Variants in TBXAS1 observed in about 807,000 individuals in gnomAD.
TBXAS1 encodes the protein thromboxane A synthase 1.
A neutral mutation model predicts 60.7 loss-of-function variants in TBXAS1; 48 were observed. The observed-to-expected ratio is 0.79, with a 90% CI of 0.63 to 1.01. The LOEUF (loss-of-function observed/expected upper bound fraction) is 1.01, where lower values mean the gene tolerates loss of function less well. Among genes scored for constraint, TBXAS1 ranks in the 50% least tolerant of loss-of-function variants. The pLI is 0.00. For synonymous variants in TBXAS1, 287 were observed against 269.7 expected, an observed-to-expected ratio of 1.06 and a Z score of -0.63; for missense variants, 685 against 686.3, an observed-to-expected ratio of 1.00 and a Z score of 0.02.
At chr7:139,855,436 C>T (rs1157753005) in intron 1 of TBXAS1, among the ~76,000 whole-genome samples, 1 of 151,872 alleles carries the variant, frequency 6.6e-6, no homozygotes, top group Non-Finnish European at 1.5e-5. Flanking sequence ...GTGGGCTGCC[C>T]TGGGGCTTTG....
At chr7:139,894,411 C>T (rs777531537) in intron 3 of TBXAS1, among the ~76,000 whole-genome samples, 3 of 152,208 alleles carry the variant, frequency 2.0e-5, no homozygotes, top group Non-Finnish European at 4.4e-5. Context: ...CAGGCTGGCT[C>T]GTGTGACTGG....
chr7:139,972,826 C>T (rs918429318), intron 9 of TBXAS1, among the ~76,000 whole-genome samples: 1 of 152,094 alleles, frequency 6.6e-6, no homozygotes, highest in African/African-American at 2.4e-5. Flanking sequence ...CCGCTGGGTA[C>T]CTTGGTAGGT....
At chr7:139,792,485 A>C (rs759674000) in intron 4 of TBXAS1, among the ~76,000 whole-genome samples, 25 of 152,206 alleles carry the variant, frequency 1.6e-4, no homozygotes, top group Non-Finnish European at 2.6e-4. Flanking sequence ...TTTTATGTCA[A>C]ATTTTTCTGT....
chr7:139,905,218 C>A (rs1456553231), intron 3 of TBXAS1, among the ~76,000 whole-genome samples: 1 of 151,950 alleles, frequency 6.6e-6, no homozygotes, highest in South Asian at 2.1e-4. Context: ...ATGCTTTCAG[C>A]TTTTCCCCAT....
chr7:139,934,234 G>A (rs1232993417), intron 4 of TBXAS1, among the ~76,000 whole-genome samples: 1 of 151,896 alleles, frequency 6.6e-6, no homozygotes, highest in Non-Finnish European at 1.5e-5. Flanking sequence ...TGTCCCCCAG[G>A]CTGGAGTGCA....
intron 12 of TBXAS1, among the ~76,000 whole-genome samples, chr7:140,019,589 C>T (rs1815385016): frequency 6.6e-6 from 1 of 152,190 alleles, no homozygotes. Context: ...TGACTCTTTG[C>T]TGTCACATTA....
chr7:139,964,214 T>C lies in TBXAS1; in HGVS notation c.1134+1981T>C, dbSNP rs192519560. Among the ~76,000 whole-genome samples the C allele has an allele frequency of 1.6e-3, 248 of 152,174 alleles. 1 individual carries two copies. The highest frequency in any genetic ancestry group is 5.3e-3 in the African/African-American group (218 of 41,506). On this transcript the variant is annotated intron_variant, in intron 9 of 12. Coordinates refer to ENST00000448866, the MANE Select transcript of TBXAS1 (RefSeq NM_001061.7). ...AATTCTCCTGCCTCAGCCTCCCGAG[T>C]TGCTGGCATTACAGACATTCACCAC...
At chr7:139,839,509 C>T (rs1032159200) in intron 1 of TBXAS1, among the ~76,000 whole-genome samples, 4 of 151,794 alleles carry the variant, frequency 2.6e-5, no homozygotes, top group Non-Finnish European at 5.9e-5. Flanking sequence ...GCTCAGGTAC[C>T]AAGACCCAGA....
chr7:140,018,827 GCTCA>G (rs1164488533), intron 12 of TBXAS1, among the ~76,000 whole-genome samples: 1 of 152,170 alleles, frequency 6.6e-6, no homozygotes, highest in Non-Finnish European at 1.5e-5. Flanking sequence ...CATGACAGGT[GCTCA>G]CTCATTCATT....
chr7:139,935,100 C>G (rs1425732300), intron 4 of TBXAS1, among the ~76,000 whole-genome samples: 1 of 152,236 alleles, frequency 6.6e-6, no homozygotes, highest in East Asian at 1.9e-4. Context: ...AGGCGTGAGC[C>G]ACCACTCTCA....
intron 4 of TBXAS1, among the ~76,000 whole-genome samples, chr7:139,809,817 T>C (rs1797982714): frequency 6.6e-6 from 1 of 151,996 alleles, no homozygotes; most frequent in Non-Finnish European, 1.5e-5. Context: ...GGGTGAATCT[T>C]CTCCACTCAG....
chr7:140,003,456 C>T lies in TBXAS1; in HGVS notation c.1135-3635C>T, dbSNP rs188142711. Among the ~76,000 whole-genome samples, 136 of 152,292 alleles carry T rather than the reference C, an allele frequency of 8.9e-4. 1 individual carries two copies. Among genetic ancestry groups the T allele is most frequent in the Admixed American group, 2.2e-3 (34 of 15,304 alleles). ...CTCACCTCAGGTGATCCACCCACCTCGGCCTCCCAAAGTGCTGGGATTACA... is the reference window on the plus strand; with the variant it reads ...CTCACCTCAGGTGATCCACCCACCTTGGCCTCCCAAAGTGCTGGGATTACA... On this transcript the variant is annotated intron_variant, in intron 9 of 12. Transcript: ENST00000448866.
chr7:139,829,362 G>A lies in TBXAS1; in HGVS notation c.-29G>A, dbSNP rs1320529760. The A allele has an allele frequency of 6.2e-7, 1 of 1,606,114 alleles. No homozygotes were observed. The highest frequency in any genetic ancestry group is 1.3e-5 in the African/African-American group (1 of 74,832). Reference sequence around the variant, plus strand: ...GATCAGCCTCCTGTCTCATCTGGAAGACCACCACTCTGGGGTCTCAGAGGA... The same window carrying A: ...GATCAGCCTCCTGTCTCATCTGGAAAACCACCACTCTGGGGTCTCAGAGGA... On this transcript the variant is annotated 5_prime_UTR_variant, in exon 1 of 13. Transcript: ENST00000448866.
In TBXAS1 at chr7:139,932,103, C is replaced by G. The variant is rs552697906; in HGVS notation, c.334-4088C>G. ...AATGGAGTGAACCCAGGAGGCGGAG[C>G]TTGCAGTGATCCAAGATCGCACCAT... On this transcript the variant is annotated intron_variant, in intron 4 of 12. Transcript: ENST00000448866. Among the ~76,000 whole-genome samples the G allele has an allele frequency of 6.9e-5, 10 of 145,526 alleles. No individual in the cohort carries two copies. The South Asian group carries it at 1.9e-3, about 28-fold the overall frequency.
intron 9 of TBXAS1, among the ~76,000 whole-genome samples, chr7:139,985,884 T>C (rs1471514435): frequency 1.3e-5 from 2 of 152,130 alleles, no homozygotes; most frequent in African/African-American, 4.8e-5. Flanking sequence ...TCCCCCATAG[T>C]GTGTGGACCA....
intron 9 of TBXAS1, among the ~76,000 whole-genome samples, chr7:140,002,786 G>C (rs1486636101): frequency 6.6e-6 from 1 of 152,092 alleles, no homozygotes; most frequent in Non-Finnish European, 1.5e-5. Flanking sequence ...CCAACACTGG[G>C]GAGTAGGGCC....
At chr7:140,019,879 GAA>G in intron 12 of TBXAS1, 144 bp from the exon 13 acceptor site, 2 of 761,830 alleles carry the variant, frequency 2.6e-6, no homozygotes, top group Non-Finnish European at 4.5e-6. Context: ...TGGAGTCACT[GAA>G]AGATAGGTTT....
intron 8 of TBXAS1, among the ~76,000 whole-genome samples, 161 bp downstream of exon 8, chr7:139,957,925 G>C (rs773897072): frequency 6.6e-6 from 1 of 152,082 alleles, no homozygotes; most frequent in African/African-American, 2.4e-5. Context: ...GAGAACAGAG[G>C]AAGGTTGAGG....
At chr7:139,940,563 C>T (rs2284207) in intron 5 of TBXAS1, among the ~76,000 whole-genome samples, 96,700 of 151,896 alleles carry the variant, frequency 0.64, 31,070 homozygotes, top group East Asian at 0.74. Context: ...CTGTTGGTCC[C>T]CTCTCTGACC....
Sources: gnomAD v4.1 joint callset for allele counts (sites outside exome capture counted in the v4.1 genomes callset) on GRCh38, gnomAD v4.1.1 for gene constraint, MANE v1.5 for transcripts, NCBI Gene and HGNC (gene_info 2026-07-23, HGNC 2026-07-21) for gene names.